TAF1C: variants seen among roughly 807,000 people sequenced by gnomAD.
The protein encoded by TAF1C is TATA-box binding protein associated factor, RNA polymerase I subunit C, also known as TATA box-binding protein-associated factor RNA polymerase I subunit C.
TAF1C carries 79 observed loss-of-function variants against 70.5 expected under a neutral mutation model. The ratio of observed to expected loss-of-function variants is 1.12; its 90% CI spans 0.93 to 1.35. The LOEUF (loss-of-function observed/expected upper bound fraction) is 1.35. TAF1C is among the 40% of genes most tolerant of loss of function. TAF1C has a pLI of 0.00. For synonymous variants in TAF1C, 614 were observed against 491.1 expected, an observed-to-expected ratio of 1.25 and a Z score of -3.31; for missense variants, 1,412 against 1,127.8, an observed-to-expected ratio of 1.25 and a Z score of -3.61.
rs1352765272 is a variant in TAF1C at position 84,179,937 on chromosome 16, C to T, written c.1621+9G>A. The T allele has an allele frequency of 3.1e-6, 5 of 1,612,344 alleles. No homozygotes were observed. The South Asian group carries it at 5.5e-5, about 18-fold the overall frequency. ...GCGCCCCCCAAGCTCACTCCCCCAC[C>T]CAGCACACCTATGGTCGGTGCTTTC... On this transcript the variant is annotated intron_variant, in intron 14 of 14. Transcript: ENST00000566732.
intron 12 of TAF1C, 105 bp from the exon 13 acceptor site, chr16:84,180,449 G>C: frequency 2.5e-6 from 3 of 1,201,126 alleles, no homozygotes; most frequent in Non-Finnish European, 3.4e-6. Context: ...GAGCCCTGAG[G>C]GGCAGCAGCA....
intron 12 of TAF1C, chr16:84,180,761 A>G: frequency 1.5e-6 from 2 of 1,291,708 alleles, no homozygotes; most frequent in Non-Finnish European, 2.0e-6. Flanking sequence ...GAAACTCTCC[A>G]GCTCTGCACG....
In TAF1C at chr16:84,182,028, T is replaced by G. The variant is rs112938734; in HGVS notation, c.752A>C (p.Asp251Ala). Residue 251 changes from aspartate to alanine, a missense_variant, in exon 8 of 15, where the codon GAC (aspartate) becomes GCC (alanine). Transcript: ENST00000566732. The surrounding 1 kb of genome is among the most constrained non-coding windows in gnomAD (Gnocchi z 5.0). Reference sequence around the variant, plus strand: ...AGGTTTCCCAAGGAATTGGGGATTGTCACCTGGGGTCAGAACGACCTCTTG... The same window carrying G: ...AGGTTTCCCAAGGAATTGGGGATTGGCACCTGGGGTCAGAACGACCTCTTG... ...HFQEVVLTPG[D>A]NPQFLGKPGR... The G allele has an allele frequency of 5.6e-4, 901 of 1,613,446 alleles. 5 individuals carry two copies. In the African/African-American group the frequency reaches 0.011, roughly 20 times the overall value.
chr16:84,182,128 C>A lies in TAF1C; in HGVS notation c.722-70G>T, dbSNP rs1331244108. ...AAGCCCCCCAAATTCCTGCCCTTCTCTGGACCATGCCAAGAGCACCTCCTC... is the reference window on the plus strand; with the variant it reads ...AAGCCCCCCAAATTCCTGCCCTTCTATGGACCATGCCAAGAGCACCTCCTC... On this transcript the variant is annotated intron_variant, in intron 7 of 14. Coordinates refer to ENST00000566732, the MANE Select transcript of TAF1C (RefSeq NM_001243156.2). This position sits in a 1 kb window ranked among gnomAD's most constrained non-coding sequence, Gnocchi z 5.0. 6.3e-7 allele frequency: 1 copy of A among 1,591,756 alleles called. No homozygotes were observed. The highest frequency in any genetic ancestry group is 8.6e-7 in the Non-Finnish European group (1 of 1,167,768).
In TAF1C at chr16:84,178,021, A is replaced by G; in HGVS notation, c.*920T>C. On this transcript the variant is annotated 3_prime_UTR_variant, in exon 15 of 15. Coordinates refer to ENST00000566732, the MANE Select transcript of TAF1C (RefSeq NM_001243156.2). ...AAGACCTTTCTCTTACTATGTCATC[A>G]GAAACCAGACAGACCCGGGTCCCTG... 1.6e-6 allele frequency: 1 copy of G among 635,906 alleles called. No individual in the cohort carries two copies. Among genetic ancestry groups the G allele is most frequent in the Non-Finnish European group, 2.9e-6 (1 of 348,892 alleles). 39.4% of individuals were successfully genotyped at this position (635,906 alleles called of 1,614,324 possible).
chr16:84,186,164 C>T (rs2089475271), intron 1 of TAF1C, among the ~76,000 whole-genome samples: 1 of 152,260 alleles, frequency 6.6e-6, no homozygotes, highest in South Asian at 2.1e-4. Flanking sequence ...ACAGCCAAGA[C>T]TTGATTCCCA....
In TAF1C at chr16:84,179,710, G is replaced by A. The variant is rs569975230; in HGVS notation, c.1763C>T (p.Pro588Leu). ...DSSLRRDAGP[P>L]GDTQPDCHAP... ...ATGGCAGTCAGGTTGGGTGTCGCCA[G>A]GAGGCCCAGCATCTCTGCGGAGGCT... Residue 588 changes from proline to leucine, a missense_variant, in exon 15 of 15, where the codon CCT (proline) becomes CTT (leucine). Coordinates refer to ENST00000566732, the MANE Select transcript of TAF1C (RefSeq NM_001243156.2). 2.7e-4 allele frequency: 435 copies of A among 1,612,430 alleles called. 1 individual carries two copies. In the South Asian group the frequency reaches 3.6e-3, roughly 14 times the overall value.
chr16:84,181,829 G>A lies in TAF1C; in HGVS notation c.873C>T (p.Ala291=), dbSNP rs147303527. 244 of 1,614,034 alleles carry A rather than the reference G, an allele frequency of 1.5e-4. 1 individual carries two copies. Among genetic ancestry groups the A allele is most frequent in the Non-Finnish European group, 1.9e-4 (225 of 1,180,042 alleles). ...LLAVRSDYHC[A]VWKFGKQWQP... Reference sequence around the variant, plus strand: ...GCCACTGTTTACCAAACTTCCACACGGCACAGTGGTAGTCAGAGCGGACGG... The same window carrying A: ...GCCACTGTTTACCAAACTTCCACACAGCACAGTGGTAGTCAGAGCGGACGG... Residue 291 remains alanine (A), a synonymous_variant, in exon 9 of 15, where the codon GCC becomes GCT. Coordinates refer to ENST00000566732, the MANE Select transcript of TAF1C (RefSeq NM_001243156.2).
Position 84,182,087 on chromosome 16 carries a change from G to A in TAF1C, c.722-29C>T, listed in dbSNP as rs774811908. The A allele has an allele frequency of 3.7e-6, 6 of 1,607,060 alleles. No individual in the cohort carries two copies. Among genetic ancestry groups the A allele is most frequent in the South Asian group, 1.1e-5 (1 of 90,158 alleles). On this transcript the variant is annotated intron_variant, in intron 7 of 14. Coordinates refer to ENST00000566732, the MANE Select transcript of TAF1C (RefSeq NM_001243156.2). This position sits in a 1 kb window ranked among gnomAD's most constrained non-coding sequence, Gnocchi z 5.0. ...GGCCTCTCACTAAGGATCAGTGCAC[G>A]AGCTATGATCACTGCAAGCCCCCCA...
intron 1 of TAF1C, among the ~76,000 whole-genome samples, chr16:84,185,881 C>A (rs774960624): frequency 6.6e-6 from 1 of 151,862 alleles, no homozygotes; most frequent in Non-Finnish European, 1.5e-5. Context: ...GCCTGGGCAA[C>A]AAGAGCGAAA....
chr16:84,180,771 G>C, intron 12 of TAF1C: 3 of 1,324,246 alleles, frequency 2.3e-6, no homozygotes, highest in Non-Finnish European at 2.9e-6. Context: ...AGCTCTGCAC[G>C]GAAGCCCCAC....
At chr16:84,180,414 C>G in intron 12 of TAF1C, 70 bp from the exon 13 acceptor site, 1 of 1,459,164 alleles carries the variant, frequency 6.9e-7, no homozygotes, top group Non-Finnish European at 9.1e-7. Context: ...CCTCCAGGCC[C>G]CATGTGGCTC....
chr16:84,180,893 C>T, intron 12 of TAF1C, 150 bp downstream of exon 12: 1 of 1,434,660 alleles, frequency 7.0e-7, no homozygotes, highest in Non-Finnish European at 9.2e-7. Context: ...GTGGGATCCA[C>T]TGCGTGTTTG....
Position 84,182,955 on chromosome 16 carries a change from A to T in TAF1C, c.482+121T>A. The T allele has an allele frequency of 7.2e-6, 7 of 971,148 alleles. No individual in the cohort carries two copies. The South Asian group carries it at 9.9e-5, about 14-fold the overall frequency. 60.2% of individuals were successfully genotyped at this position (971,148 alleles called of 1,614,324 possible). ...AGTCTGGTATAAGAAAGTACAGCTCAGACTGCATGGAGCAGGGGGGAAGTG... is the reference window on the plus strand; with the variant it reads ...AGTCTGGTATAAGAAAGTACAGCTCTGACTGCATGGAGCAGGGGGGAAGTG... On this transcript the variant is annotated intron_variant, in intron 6 of 14. Transcript: ENST00000566732. The surrounding 1 kb of genome is among the most constrained non-coding windows in gnomAD (Gnocchi z 5.0).
In TAF1C at chr16:84,182,166, G is replaced by A. The variant is rs780786693; in HGVS notation, c.721+36C>T. On this transcript the variant is annotated intron_variant, in intron 7 of 14. Transcript: ENST00000566732. The surrounding 1 kb of genome is among the most constrained non-coding windows in gnomAD (Gnocchi z 5.0). The stretch of plus-strand genomic sequence containing the variant: ...AGAGCACCTCCTCTACCAGAGGCGA[G>A]CCCGCTGGAATCTCCTGTCTCGCAA... 6.3e-7 allele frequency: 1 copy of A among 1,594,458 alleles called. No homozygotes were observed.
chr16:84,182,583 A>AT lies in TAF1C; in HGVS notation c.483-144dup. The stretch of plus-strand genomic sequence containing the variant: ...TGGGAGACCACCCCATCCTGTTCCC[A>AT]TGCCCCGGAAGCAATCATGTGACCC... On this transcript the variant is annotated intron_variant, in intron 6 of 14. Transcript: ENST00000566732. This position sits in a 1 kb window ranked among gnomAD's most constrained non-coding sequence, Gnocchi z 5.0. 1.3e-6 allele frequency: 1 copy of AT among 774,024 alleles called. No homozygotes were observed. The highest frequency in any genetic ancestry group is 2.7e-5 in the East Asian group (1 of 37,048). 47.9% of individuals were successfully genotyped at this position (774,024 alleles called of 1,614,324 possible).
intron 12 of TAF1C, 84 bp downstream of exon 12, chr16:84,180,959 G>C: frequency 6.7e-7 from 1 of 1,488,436 alleles, no homozygotes; most frequent in Non-Finnish European, 9.0e-7. Context: ...TCTGGGCCCA[G>C]CAGAGCCGCT....
At chr16:84,185,787 C>G (rs1036656960) in intron 1 of TAF1C, among the ~76,000 whole-genome samples, 3 of 152,164 alleles carry the variant, frequency 2.0e-5, no homozygotes. Flanking sequence ...GTAATCCCAG[C>G]TACTCGGGAG....
Position 84,179,202 on chromosome 16 carries a change from A to G in TAF1C, c.2271T>C (p.Ala757=). ...SSPHSPEWPP[A]DALPLPPTTP... Reference sequence around the variant, plus strand: ...TCGTGGGGGGCAGGGGCAGAGCATCAGCAGGTGGCCACTCAGGGCTATGAG... The same window carrying G: ...TCGTGGGGGGCAGGGGCAGAGCATCGGCAGGTGGCCACTCAGGGCTATGAG... The change falls in exon 15 of 15, where the codon GCT becomes GCC. Residue 757 remains alanine, a synonymous_variant. Transcript: ENST00000566732. 6.3e-7 allele frequency: 1 copy of G among 1,587,684 alleles called. No individual in the cohort carries two copies. Among genetic ancestry groups the G allele is most frequent in the Non-Finnish European group, 8.5e-7 (1 of 1,173,130 alleles).
Sources: gnomAD v4.1 joint callset for allele counts (sites outside exome capture counted in the v4.1 genomes callset) on GRCh38, gnomAD v4.1.1 for gene constraint, Gnocchi (gnomAD v3.1) non-coding constraint, MANE v1.5 for transcripts, NCBI Gene and HGNC (gene_info 2026-07-23, HGNC 2026-07-21) for gene names.